Variants in TULP4 observed in about 807,000 individuals in gnomAD.
TULP4 encodes TUB like protein 4.
In TULP4, 16 loss-of-function variants were observed where a neutral mutation model predicts 129.0. The ratio of observed to expected loss-of-function variants is 0.12; its 90% CI spans 0.08 to 0.19. The LOEUF is 0.19. Among genes scored for constraint, TULP4 ranks in the 10% least tolerant of loss-of-function variants. TULP4 has a pLI of 1.00. For missense variants in TULP4, 1,842 were observed against 2,059.1 expected (o/e 0.89, Z 2.04); for synonymous variants, 998 against 854.0 (o/e 1.17, Z -2.94).
intron 1 of TULP4, among the ~76,000 whole-genome samples, chr6:158,395,903 G>C (rs1340302732): frequency 1.3e-5 from 2 of 151,906 alleles, no homozygotes; most frequent in Admixed American, 1.3e-4. Flanking sequence ...ATTTTGCTAT[G>C]GTTTGGTATT....
In TULP4 at chr6:158,507,018, T is replaced by C; in HGVS notation, c.*324T>C. The C allele has an allele frequency of 3.1e-6, 1 of 320,258 alleles. No individual in the cohort carries two copies. Among genetic ancestry groups the C allele is most frequent in the Non-Finnish European group, 5.8e-6 (1 of 171,702 alleles). 19.8% of individuals were successfully genotyped at this position (320,258 alleles called of 1,614,324 possible). A position where few individuals can be genotyped will look rare whatever the true frequency, so the allele number is the denominator to read the frequency against. The stretch of plus-strand genomic sequence containing the variant: ...ACTGGGCCCTTCAGAATGAAGACAG[T>C]CTGCCTTAGAGCCTGCTATTCTTTT... On this transcript the variant is annotated 3_prime_UTR_variant, in exon 14 of 14. Coordinates refer to ENST00000367097, the MANE Select transcript of TULP4 (RefSeq NM_020245.5).
chr6:158,325,218 TTA>T (rs1256690555), intron 1 of TULP4, among the ~76,000 whole-genome samples: 5 of 152,330 alleles, frequency 3.3e-5, no homozygotes, highest in Admixed American at 2.0e-4. Flanking sequence ...CTGGCTATGC[TTA>T]ATCAATTATG....
upstream of TULP4, among the ~76,000 whole-genome samples, chr6:158,309,336 A>G (rs10455815): frequency 0.86 from 118,175 of 136,816 alleles, 51,308 homozygotes; most frequent in Admixed American, 0.92. Flanking sequence ...GACCATGGGC[A>G]GCCGGGCAGA....
chr6:158,256,087 T>G (rs1778236432), intron 1 of TULP4, among the ~76,000 whole-genome samples: 1 of 152,220 alleles, frequency 6.6e-6, no homozygotes, highest in South Asian at 2.1e-4. Context: ...TCTAGTTACT[T>G]AAGCTACTCC....
intron 1 of TULP4, among the ~76,000 whole-genome samples, chr6:158,379,236 T>A (rs1777270047): frequency 6.6e-6 from 1 of 152,030 alleles, no homozygotes; most frequent in African/African-American, 2.4e-5. Context: ...GATGATGGAG[T>A]TGCCATTTAC....
intron 1 of TULP4, among the ~76,000 whole-genome samples, chr6:158,257,328 A>G (rs1778266541): frequency 6.6e-6 from 1 of 152,150 alleles, no homozygotes; most frequent in Non-Finnish European, 1.5e-5. Context: ...CGGCTGTCAC[A>G]TGTACACTGC....
intron 1 of TULP4, among the ~76,000 whole-genome samples, chr6:158,399,973 C>T (rs1777804279): frequency 6.6e-6 from 1 of 152,212 alleles, no homozygotes; most frequent in African/African-American, 2.4e-5. Context: ...CTGTTGAGAT[C>T]CCAGTGTTCA....
intron 1 of TULP4, among the ~76,000 whole-genome samples, chr6:158,263,915 T>C (rs1377214435): frequency 6.6e-6 from 1 of 151,890 alleles, no homozygotes; most frequent in Admixed American, 6.6e-5. Context: ...ATACAAAAAT[T>C]ACCTGGGCGT....
intron 6 of TULP4, among the ~76,000 whole-genome samples, chr6:158,468,447 C>T (rs1447670532): frequency 6.6e-6 from 1 of 152,072 alleles, no homozygotes; most frequent in African/African-American, 2.4e-5. Context: ...TGATTGAACC[C>T]CAGCATTATG....
At chr6:158,292,704 T>G (rs545171057) in intron 1 of TULP4, among the ~76,000 whole-genome samples, 1 of 152,340 alleles carries the variant, frequency 6.6e-6, no homozygotes, top group Admixed American at 6.5e-5. Context: ...ACATACTGAT[T>G]ATCTCATATT....
Position 158,413,013 on chromosome 6 carries a change from C to G in TULP4, c.253-52C>G. 1 of 1,570,362 alleles carries G rather than the reference C, an allele frequency of 6.4e-7. No individual in the cohort carries two copies. Among genetic ancestry groups the G allele is most frequent in the Non-Finnish European group, 8.7e-7 (1 of 1,155,184 alleles). On this transcript the variant is annotated intron_variant, in intron 1 of 13. Transcript: ENST00000367097. This position sits in a 1 kb window ranked among gnomAD's most constrained non-coding sequence, Gnocchi z 4.9. Reference sequence around the variant, plus strand: ...GTCTGATCACATCACAGAAATAATCCTGGCCCACAGATTTATTTCCTGTGG... The same window carrying G: ...GTCTGATCACATCACAGAAATAATCGTGGCCCACAGATTTATTTCCTGTGG...
chr6:158,305,828 T>G (rs1231466850), intron 1 of TULP4, among the ~76,000 whole-genome samples: 1 of 152,226 alleles, frequency 6.6e-6, no homozygotes, highest in Non-Finnish European at 1.5e-5. Context: ...AGTTGCTTTT[T>G]AATCATTTTA....
rs1392286665 is a variant in TULP4 at position 158,452,389 on chromosome 6, T to C, written c.859+121T>C. ...TCCTCTGTGGTGACACCTTCTGGGCTTCATGGAGTCTGTTAACTAAAGCCA... is the reference window on the plus strand; with the variant it reads ...TCCTCTGTGGTGACACCTTCTGGGCCTCATGGAGTCTGTTAACTAAAGCCA... On this transcript the variant is annotated intron_variant, in intron 5 of 13. Coordinates refer to ENST00000367097, the MANE Select transcript of TULP4 (RefSeq NM_020245.5). 2.2e-6 allele frequency: 3 copies of C among 1,341,764 alleles called. No individual in the cohort carries two copies. The African/African-American group carries it at 4.4e-5, about 20-fold the overall frequency. 83.1% of individuals were successfully genotyped at this position (1,341,764 alleles called of 1,614,324 possible).
At chr6:158,461,423 A>AGAG in intron 5 of TULP4, 140 bp from the exon 6 acceptor site, 1 of 801,476 alleles carries the variant, frequency 1.2e-6, no homozygotes, top group Non-Finnish European at 1.8e-6. Flanking sequence ...AAAAAAAAAA[A>AGAG]AAAGGAAAAA....
At chr6:158,387,643 G>A (rs992395821) in intron 1 of TULP4, among the ~76,000 whole-genome samples, 3 of 152,132 alleles carry the variant, frequency 2.0e-5, no homozygotes, top group South Asian at 2.1e-4. Flanking sequence ...GGTTCTCATG[G>A]GATTTCAGGT....
rs139449669 is a variant in TULP4 at position 158,301,812 on chromosome 6, A to C, written n.117-10239A>C. 3.6e-3 allele frequency among the ~76,000 whole-genome samples: 543 copies of C among 152,348 alleles called. 2 individuals carry two copies. Among genetic ancestry groups the C allele is most frequent in the Non-Finnish European group, 5.7e-3 (386 of 68,028 alleles). On this transcript the variant is annotated intron_variant and non_coding_transcript_variant, in intron 1 of 1. Transcript: ENST00000432358. ...AGGGGTGAAAGTCCTGGGACTGCAGAGATTGGAATCTCCACACAGCATAGA... is the reference window on the plus strand; with the variant it reads ...AGGGGTGAAAGTCCTGGGACTGCAGCGATTGGAATCTCCACACAGCATAGA...
At chr6:158,487,043 T>G (rs935445062) in intron 8 of TULP4, among the ~76,000 whole-genome samples, 3 of 151,526 alleles carry the variant, frequency 2.0e-5, no homozygotes, top group African/African-American at 7.3e-5. Flanking sequence ...AGGTCAGGAG[T>G]TCAAGTGCAG....
intron 1 of TULP4, among the ~76,000 whole-genome samples, chr6:158,411,408 G>A (rs927234027): frequency 3.3e-5 from 5 of 152,162 alleles, no homozygotes; most frequent in Non-Finnish European, 7.3e-5. Context: ...GGTCTCAACA[G>A]AGAGGATTCC....
At chr6:158,378,376 TAAAAGG>T (rs1361951596) in intron 1 of TULP4, among the ~76,000 whole-genome samples, 1 of 150,218 alleles carries the variant, frequency 6.7e-6, no homozygotes, top group Non-Finnish European at 1.5e-5. Context: ...TATTAAGACT[TAAAAGG>T]AAAGAATAAT....
Sources: allele counts gnomAD v4.1 joint callset (sites outside exome capture counted in the v4.1 genomes callset), GRCh38; gene constraint gnomAD v4.1.1; non-coding constraint Gnocchi (gnomAD v3.1); transcripts MANE v1.5; gene names NCBI Gene and HGNC (gene_info 2026-07-23, HGNC 2026-07-21).